NDST4: variants seen among roughly 807,000 people sequenced by gnomAD.
The protein encoded by NDST4 is N-deacetylase and N-sulfotransferase 4.
In NDST4, 63 loss-of-function variants were observed where a neutral mutation model predicts 100.8. That is an observed-to-expected ratio of 0.62 (90% CI 0.51 to 0.77). The LOEUF (loss-of-function observed/expected upper bound fraction) is 0.77. Ranked by LOEUF, NDST4 falls within the 30% of genes least tolerant of loss-of-function variation. The pLI is 0.00. For missense variants in NDST4, 943 were observed against 1,018.4 expected (o/e 0.93, Z 1.01); for synonymous variants, 377 against 361.8 (o/e 1.04, Z -0.48).
chr4:114,976,858 A>G (rs1390851327), intron 3 of NDST4, among the ~76,000 whole-genome samples: 3 of 151,972 alleles, frequency 2.0e-5, no homozygotes, highest in Non-Finnish European at 4.4e-5. Context: ...AGTTATTATT[A>G]GTAGTATTCT....
chr4:115,017,951 A>G (rs1226190926), intron 2 of NDST4, among the ~76,000 whole-genome samples: 1 of 151,942 alleles, frequency 6.6e-6, no homozygotes, highest in East Asian at 1.9e-4. Context: ...CAAATTTAAT[A>G]CATATTGACT....
intron 2 of NDST4, among the ~76,000 whole-genome samples, chr4:115,057,604 C>G (rs1728723361): frequency 6.6e-6 from 1 of 152,042 alleles, no homozygotes; most frequent in South Asian, 2.1e-4. Context: ...TTATAGTACA[C>G]ATCGATTCAG....
At chr4:115,092,993 T>A (rs111521176) in intron 1 of NDST4, among the ~76,000 whole-genome samples, 1 of 152,132 alleles carries the variant, frequency 6.6e-6, no homozygotes, top group African/African-American at 2.4e-5. Flanking sequence ...GAAAAAGATA[T>A]GCAGAAATTA....
chr4:115,090,152 T>A lies in NDST4; in HGVS notation c.-246-12870A>T, dbSNP rs1729487479. 4.0e-5 allele frequency among the ~76,000 whole-genome samples: 6 copies of A among 151,810 alleles called. No homozygotes were observed. The South Asian group carries it at 1.2e-3, about 31-fold the overall frequency. On this transcript the variant is annotated intron_variant, in intron 1 of 13. Coordinates refer to ENST00000264363, the MANE Select transcript of NDST4 (RefSeq NM_022569.3). ...GTTATTTTTAGAAGACTTTTTCTAA[T>A]GAATTTTTTACTACTCAATCCTTTC...
At chr4:114,899,306 T>G in intron 6 of NDST4, among the ~76,000 whole-genome samples, 1 of 152,232 alleles carries the variant, frequency 6.6e-6, no homozygotes, top group Middle Eastern at 3.4e-3. Flanking sequence ...GCCTCCTGAG[T>G]AGCTGGGACT....
rs549471039 is a variant in NDST4 at position 115,014,493 on chromosome 4, T to C, written c.979-37219A>G. 2.0e-5 allele frequency among the ~76,000 whole-genome samples: 3 copies of C among 152,182 alleles called. No individual in the cohort carries two copies. In the East Asian group the frequency reaches 5.8e-4, roughly 30 times the overall value. On this transcript the variant is annotated intron_variant, in intron 2 of 13. Transcript: ENST00000264363. ...GGTGAAGGATAAGTTGTTGCATCAA[T>C]GTATTCCTCACTGATGTGTGTTACT...
chr4:114,869,901 T>C (rs1724110688), intron 7 of NDST4, among the ~76,000 whole-genome samples: 1 of 152,132 alleles, frequency 6.6e-6, no homozygotes, highest in Non-Finnish European at 1.5e-5. Context: ...TGTAATATGA[T>C]TTATGGAATA....
chr4:114,977,090 A>T, intron 3 of NDST4, 97 bp downstream of exon 3: 1 of 735,472 alleles, frequency 1.4e-6, no homozygotes, highest in South Asian at 2.4e-5. Context: ...TTTTTCCCAT[A>T]ATCAATCTGG....
chr4:114,922,171 C>A (rs1725302619), intron 6 of NDST4, among the ~76,000 whole-genome samples: 1 of 152,130 alleles, frequency 6.6e-6, no homozygotes, highest in African/African-American at 2.4e-5. Flanking sequence ...CCTGACATAT[C>A]AAAACCCTTG....
intron 10 of NDST4, among the ~76,000 whole-genome samples, chr4:114,844,505 C>A (rs1325227251): frequency 6.6e-6 from 1 of 152,180 alleles, no homozygotes; most frequent in African/African-American, 2.4e-5. Flanking sequence ...ATACTGTATC[C>A]TCTACTCCAC....
At chr4:114,847,375 CAAAAAAAAAAAAAAAAAAAAAAAAAA>C (rs57987259) in intron 9 of NDST4, among the ~76,000 whole-genome samples, 4 of 18,236 alleles carry the variant, frequency 2.2e-4, no homozygotes, top group South Asian at 3.0e-3. Flanking sequence ...GACTCCGTCT[CAAAAAAAAAAAAAAAAAAAAAAAAAA>C]AAAAAAAAAA....
At chr4:114,883,876 G>A (rs1160985987) in intron 6 of NDST4, among the ~76,000 whole-genome samples, 1 of 152,122 alleles carries the variant, frequency 6.6e-6, no homozygotes, top group East Asian at 1.9e-4. Flanking sequence ...TAGGGTTCAT[G>A]TTCCTATGAG....
chr4:115,072,183 T>C (rs1345373589), intron 2 of NDST4, among the ~76,000 whole-genome samples: 1 of 151,914 alleles, frequency 6.6e-6, no homozygotes, highest in Non-Finnish European at 1.5e-5. Flanking sequence ...GCATACAAAA[T>C]AATCTTGAAG....
intron 6 of NDST4, among the ~76,000 whole-genome samples, chr4:114,871,654 G>T (rs1724150971): frequency 6.6e-6 from 1 of 151,936 alleles, no homozygotes; most frequent in Non-Finnish European, 1.5e-5. Context: ...TTGCAGCAGG[G>T]ATTTAAAAAA....
At chr4:114,872,517 AT>A (rs1206905327) in intron 6 of NDST4, among the ~76,000 whole-genome samples, 2 of 152,110 alleles carry the variant, frequency 1.3e-5, no homozygotes, top group Admixed American at 6.6e-5. Flanking sequence ...ACTGAAAAAA[AT>A]ATCTGAAGAA....
At chr4:115,036,408 T>C (rs28612407) in intron 2 of NDST4, among the ~76,000 whole-genome samples, 14,115 of 150,664 alleles carry the variant, frequency 0.094, 2,017 homozygotes, top group African/African-American at 0.31. Context: ...TTAAGGATAA[T>C]AAGTATGTGT....
intron 6 of NDST4, among the ~76,000 whole-genome samples, chr4:114,879,865 A>G (rs984832466): frequency 3.3e-5 from 5 of 152,160 alleles, no homozygotes; most frequent in Admixed American, 2.6e-4. Context: ...GTTAAATTAC[A>G]TTTTTTATTT....
At chr4:115,103,700 G>C (rs1374089937) in intron 1 of NDST4, among the ~76,000 whole-genome samples, 1 of 151,872 alleles carries the variant, frequency 6.6e-6, no homozygotes, top group South Asian at 2.1e-4. Context: ...TCTATTTTAT[G>C]TTATTTTGTC....
chr4:114,901,821 T>G (rs2126210476), intron 6 of NDST4, among the ~76,000 whole-genome samples: 1 of 152,046 alleles, frequency 6.6e-6, no homozygotes, highest in South Asian at 2.1e-4. Context: ...TCTTCTTTTC[T>G]TCTTCCTTTT....
Sources: gnomAD v4.1 joint callset for allele counts (sites outside exome capture counted in the v4.1 genomes callset) on GRCh38, gnomAD v4.1.1 for gene constraint, MANE v1.5 for transcripts, NCBI Gene and HGNC (gene_info 2026-07-23, HGNC 2026-07-21) for gene names.